The following RHOF variants were observed in gnomAD, a reference collection of about 807,000 sequenced individuals.
RHOF encodes rho-related GTP-binding protein RhoF.
A neutral mutation model predicts 22.2 loss-of-function variants in RHOF; 21 were observed. That is an observed-to-expected ratio of 0.95 (90% confidence interval 0.67 to 1.36). The LOEUF (loss-of-function observed/expected upper bound fraction) is 1.36. Ranked by LOEUF, RHOF falls within the 40% of genes most tolerant of loss-of-function variation. The probability of loss-of-function intolerance (pLI) is 0.00; values close to 1 mark genes in which losing one functional copy is unlikely to be tolerated. For missense variants in RHOF, 285 were observed against 293.7 expected, an observed-to-expected ratio of 0.97 and a Z score of 0.22; for synonymous variants, 135 against 131.2, an observed-to-expected ratio of 1.03 and a Z score of -0.20.
At position 121,787,887 on chromosome 12, in the gene RHOF, C is replaced by A. The variant is rs1329722986; in HGVS notation, c.226+5265G>T. 7.2e-5 allele frequency among the ~76,000 whole-genome samples: 7 copies of A among 97,382 alleles called. No homozygotes were observed. The South Asian group carries it at 2.4e-3, about 34-fold the overall frequency. 63.9% of individuals were successfully genotyped at this position (97,382 alleles called of 152,430 possible). On this transcript the variant is annotated intron_variant, in intron 2 of 4. Transcript: ENST00000267205. ...GCCTGGGCAACAGAGTGAGACTCTGCCTCAAAAAAAAAAAAAAAAAAAGGG... is the reference window on the plus strand; with the variant it reads ...GCCTGGGCAACAGAGTGAGACTCTGACTCAAAAAAAAAAAAAAAAAAAGGG...
chr12:121,792,342 A>G lies in RHOF; in HGVS notation c.226+810T>C, dbSNP rs370379786. Among the ~76,000 whole-genome samples the G allele has an allele frequency of 8.5e-5, 13 of 152,318 alleles. No homozygotes were observed. In the East Asian group the frequency reaches 1.7e-3, roughly 20 times the overall value. ...TCTCAACCTTTGGTCCCCAATGTTG[A>G]TGAAGCCCAGATGGGAGTCAGGGTC... On this transcript the variant is annotated intron_variant, in intron 2 of 4. Transcript: ENST00000267205.
At chr12:121,789,538 C>T (rs1329502898) in intron 2 of RHOF, among the ~76,000 whole-genome samples, 1 of 152,186 alleles carries the variant, frequency 6.6e-6, no homozygotes, top group Non-Finnish European at 1.5e-5. Context: ...GACCCCAGCT[C>T]CAGCTGCGGC....
chr12:121,793,641 A>G lies in RHOF; in HGVS notation c.-8T>C. The G allele has an allele frequency of 6.5e-7, 1 of 1,532,192 alleles. No individual in the cohort carries two copies. The highest frequency in any genetic ancestry group is 8.7e-7 in the Non-Finnish European group (1 of 1,145,536). 94.9% of individuals were successfully genotyped at this position (1,532,192 alleles called of 1,614,324 possible). A position where few individuals can be genotyped will look rare whatever the true frequency, so the allele number is the denominator to read the frequency against. On this transcript the variant is annotated 5_prime_UTR_variant, in exon 1 of 5. Coordinates refer to ENST00000267205, the MANE Select transcript of RHOF (RefSeq NM_019034.3). ...GGCCCCGGGGGCATCCATTGCCCGGAGCCCGCAGCACTGGCGGCGGCGCGC... is the reference window on the plus strand; with the variant it reads ...GGCCCCGGGGGCATCCATTGCCCGGGGCCCGCAGCACTGGCGGCGGCGCGC...
rs200553022 is a variant in RHOF at position 121,779,669 on chromosome 12, G to A, written c.472-7C>T. ...GTTCGCAGGCGCTCAGGCCCTGGGTGGGGGGAGGAGCCAGCATTAGGTGAG... is the reference window on the plus strand; with the variant it reads ...GTTCGCAGGCGCTCAGGCCCTGGGTAGGGGGAGGAGCCAGCATTAGGTGAG... On this transcript the variant is annotated splice_region_variant and splice_polypyrimidine_tract_variant and intron_variant, in intron 4 of 4. Transcript: ENST00000267205. The A allele has an allele frequency of 6.4e-5, 103 of 1,612,936 alleles. No homozygotes were observed. Among genetic ancestry groups the A allele is most frequent in the Non-Finnish European group, 7.8e-5 (92 of 1,179,530 alleles).
In RHOF at chr12:121,779,511, C is replaced by T. The variant is rs1460379792; in HGVS notation, c.623G>A (p.Cys208Tyr). ...KAQRQKKRRL[C>Y]LLL ...GTCTGCCCTGGGTCAGAGCAGCAGG[C>T]AGAGCCGGCGCTTCTTCTGCCGTTG... The change falls in exon 5 of 5, where the codon TGC becomes TAC. Residue 208 changes from cysteine (C) to tyrosine (Y), a missense_variant. Physicochemically the swap from Cys to Tyr is radical, Grantham distance 194. Transcript: ENST00000267205. The T allele has an allele frequency of 6.2e-7, 1 of 1,612,156 alleles. No individual in the cohort carries two copies. Among genetic ancestry groups the T allele is most frequent in the African/African-American group, 1.3e-5 (1 of 74,946 alleles).
chr12:121,783,325 C>CA (rs1301504548), intron 2 of RHOF, among the ~76,000 whole-genome samples: 1 of 149,146 alleles, frequency 6.7e-6, no homozygotes, highest in Non-Finnish European at 1.5e-5. Flanking sequence ...TGCCCCCCCC[C>CA]CCACCTTTTC....
chr12:121,790,217 G>T (rs1174900044), intron 2 of RHOF, among the ~76,000 whole-genome samples: 2 of 152,262 alleles, frequency 1.3e-5, no homozygotes, highest in African/African-American at 4.8e-5. Context: ...ACCAGCGTTT[G>T]GTCCTGGGTG....
At chr12:121,781,426 A>AT in intron 2 of RHOF, 1 of 490,862 alleles carries the variant, frequency 2.0e-6, no homozygotes, top group Non-Finnish European at 3.7e-6. Context: ...AGCCGTGATC[A>AT]TGCCACTGCA....
At position 121,793,143 on chromosome 12, in the gene RHOF, C is replaced by T; in HGVS notation, c.226+9G>A. 1 of 1,548,834 alleles carries T rather than the reference C, an allele frequency of 6.5e-7. No individual in the cohort carries two copies. Among genetic ancestry groups the T allele is most frequent in the Non-Finnish European group, 8.7e-7 (1 of 1,146,270 alleles). On this transcript the variant is annotated intron_variant, in intron 2 of 4. Coordinates refer to ENST00000267205, the MANE Select transcript of RHOF (RefSeq NM_019034.3). ...ACCCTCGGGCCCCCCGGCGCGCAGG[C>T]GCACTCACCGGCCGTGTCGTAGAGG...
intron 2 of RHOF, among the ~76,000 whole-genome samples, chr12:121,788,274 A>G (rs1451168755): frequency 1.3e-5 from 2 of 152,112 alleles, no homozygotes; most frequent in Non-Finnish European, 2.9e-5. Flanking sequence ...CCTACCCCAG[A>G]AAACAGGAAG....
At chr12:121,790,295 C>G (rs1874730665) in intron 2 of RHOF, among the ~76,000 whole-genome samples, 1 of 152,264 alleles carries the variant, frequency 6.6e-6, no homozygotes, top group Non-Finnish European at 1.5e-5. Flanking sequence ...CGGGAAGATG[C>G]CCCTTCCGCC....
Position 121,788,260 on chromosome 12 carries a change from T to C in RHOF, c.226+4892A>G, listed in dbSNP as rs538303829. On this transcript the variant is annotated intron_variant, in intron 2 of 4. Coordinates refer to ENST00000267205, the MANE Select transcript of RHOF (RefSeq NM_019034.3). ...GACCTTACTGGAGTATTTTTTTTTC[T>C]TAGCCTACCCCAGAAAACAGGAAGG... 9.8e-4 allele frequency among the ~76,000 whole-genome samples: 149 copies of C among 152,218 alleles called. 1 individual carries two copies. The highest frequency in any genetic ancestry group is 1.8e-3 in the Non-Finnish European group (121 of 68,008).
Position 121,793,493 on chromosome 12 carries a change from C to T in RHOF, c.138+3G>A. On this transcript the variant is annotated splice_donor_region_variant and intron_variant, in intron 1 of 4. Coordinates refer to ENST00000267205, the MANE Select transcript of RHOF (RefSeq NM_019034.3). The stretch of plus-strand genomic sequence containing the variant: ...CCCACCCCAGCCCCGCTGCGGGCCT[C>T]ACCTCGGGGAAGGAGCCCTGGCTGT... 6.5e-7 allele frequency: 1 copy of T among 1,541,378 alleles called. No individual in the cohort carries two copies. The highest frequency in any genetic ancestry group is 8.7e-7 in the Non-Finnish European group (1 of 1,146,672).
At chr12:121,791,275 A>T (rs1297643964) in intron 2 of RHOF, among the ~76,000 whole-genome samples, 1 of 152,128 alleles carries the variant, frequency 6.6e-6, no homozygotes, top group Non-Finnish European at 1.5e-5. Context: ...ACAGGTGCCC[A>T]CCACCACACC....
chr12:121,784,266 G>A lies in RHOF; in HGVS notation c.227-3074C>T, dbSNP rs139666304. Among the ~76,000 whole-genome samples the A allele has an allele frequency of 7.1e-3, 1,073 of 151,436 alleles. 10 individuals are homozygous for A. The highest frequency in any genetic ancestry group is 0.024 in the African/African-American group (1,004 of 40,988). ...TCTAGAAATGGTTAAGAAATCCTTG[G>A]TGAAGCGTGGTGGCTCATGCTTGTA... On this transcript the variant is annotated intron_variant, in intron 2 of 4. Transcript: ENST00000267205.
rs376768557 is a variant in RHOF, at chr12:121,779,450, G to A, written c.*48C>T. 11 of 1,593,608 alleles carry A rather than the reference G, an allele frequency of 6.9e-6. No homozygotes were observed. The highest frequency in any genetic ancestry group is 1.1e-5 in the South Asian group (1 of 90,592). On this transcript the variant is annotated 3_prime_UTR_variant, in exon 5 of 5. Transcript: ENST00000267205. Reference sequence around the variant, plus strand: ...AGCCTCCCTGGTGCAATCGGCACCTGGGCCCCCGGGCCCTGTCAGTGCTGT... The same window carrying A: ...AGCCTCCCTGGTGCAATCGGCACCTAGGCCCCCGGGCCCTGTCAGTGCTGT...
intron 2 of RHOF, 91 bp from the exon 3 acceptor site, chr12:121,781,283 G>T: frequency 9.1e-7 from 1 of 1,103,710 alleles, no homozygotes; most frequent in Non-Finnish European, 1.3e-6. Flanking sequence ...AAGTGACCCT[G>T]CCTTAGGGCC....
At chr12:121,783,465 G>T (rs1224958820) in intron 2 of RHOF, among the ~76,000 whole-genome samples, 1 of 152,012 alleles carries the variant, frequency 6.6e-6, no homozygotes, top group African/African-American at 2.4e-5. Flanking sequence ...GAGATTACAG[G>T]TGCTTGCCAC....
rs1566530146 is a variant in RHOF, at chr12:121,778,969, G to C, written c.*529C>G. On this transcript the variant is annotated 3_prime_UTR_variant, in exon 5 of 5. Coordinates refer to ENST00000267205, the MANE Select transcript of RHOF (RefSeq NM_019034.3). ...TTCCATGTGGGGTGGAGATGGGAGGGGTGGGTGCCAGGCTGCAGCCTGTGT... is the reference window on the plus strand; with the variant it reads ...TTCCATGTGGGGTGGAGATGGGAGGCGTGGGTGCCAGGCTGCAGCCTGTGT... 6.4e-6 allele frequency: 1 copy of C among 155,470 alleles called. No homozygotes were observed. Among genetic ancestry groups the C allele is most frequent in the Non-Finnish European group, 1.4e-5 (1 of 69,856 alleles). 9.6% of individuals were successfully genotyped at this position (155,470 alleles called of 1,614,324 possible). A position where few individuals can be genotyped will look rare whatever the true frequency, so the allele number is the denominator to read the frequency against.
Sources: gnomAD v4.1 joint callset for allele counts (sites outside exome capture counted in the v4.1 genomes callset) on GRCh38, gnomAD v4.1.1 for gene constraint, MANE v1.5 for transcripts, NCBI Gene and HGNC (gene_info 2026-07-23, HGNC 2026-07-21) for gene names.